The following NRG3 variants were observed in gnomAD, a reference collection of about 807,000 sequenced individuals.
The protein encoded by NRG3 is neuregulin 3.
In NRG3, 31 loss-of-function variants were observed where a neutral mutation model predicts 66.9. That is an observed-to-expected ratio of 0.46 (90% CI 0.35 to 0.63). NRG3 has a LOEUF of 0.63. Ranked by LOEUF, NRG3 falls within the 20% of genes least tolerant of loss-of-function variation. NRG3 has a pLI of 0.00. For synonymous variants in NRG3, 393 were observed against 359.4 expected (o/e 1.09, Z -1.06); for missense variants, 910 against 878.9 (o/e 1.04, Z -0.45).
At chr10:82,761,924 CTT>C (rs1236496180) in intron 3 of NRG3, among the ~76,000 whole-genome samples, 2 of 68,246 alleles carry the variant, frequency 2.9e-5, no homozygotes, top group East Asian at 3.8e-4. Context: ...CTTTCTTTCT[CTT>C]TCTTTCTTTC....
At chr10:82,221,056 G>T (rs1480212310) in intron 1 of NRG3, among the ~76,000 whole-genome samples, 2 of 152,116 alleles carry the variant, frequency 1.3e-5, no homozygotes, top group Non-Finnish European at 2.9e-5. Flanking sequence ...AGAAATGGTG[G>T]TTTAAAAATA....
At chr10:82,496,390 G>A (rs543986576) in intron 2 of NRG3, among the ~76,000 whole-genome samples, 1 of 152,028 alleles carries the variant, frequency 6.6e-6, no homozygotes, top group East Asian at 1.9e-4. Flanking sequence ...TATTTCTGGG[G>A]GAGTCAGCTT....
At chr10:82,845,672 C>T (rs1591704462) in intron 3 of NRG3, among the ~76,000 whole-genome samples, 1 of 151,988 alleles carries the variant, frequency 6.6e-6, no homozygotes, top group Admixed American at 6.6e-5. Context: ...TGTCTCAAAC[C>T]TTTGCAATAT....
At chr10:82,673,040 C>G (rs952666082) in intron 2 of NRG3, among the ~76,000 whole-genome samples, 2 of 152,216 alleles carry the variant, frequency 1.3e-5, no homozygotes, top group Non-Finnish European at 2.9e-5. Context: ...CGTGAGCCAC[C>G]GTGCCCAGCC....
chr10:82,118,830 G>A (rs1341589802), intron 1 of NRG3, among the ~76,000 whole-genome samples: 1 of 152,122 alleles, frequency 6.6e-6, no homozygotes, highest in African/African-American at 2.4e-5. Context: ...CTCCTGATGA[G>A]CCTTTTCTCC....
At position 82,287,195 on chromosome 10, in the gene NRG3, C is replaced by T. The variant is rs764994897; in HGVS notation, c.824-71544C>T. 7.9e-4 allele frequency among the ~76,000 whole-genome samples: 120 copies of T among 151,992 alleles called. 1 individual carries two copies. Among genetic ancestry groups the T allele is most frequent in the Non-Finnish European group, 8.7e-4 (59 of 68,002 alleles). On this transcript the variant is annotated intron_variant, in intron 1 of 8. Coordinates refer to ENST00000372141, the MANE Select transcript of NRG3 (RefSeq NM_001010848.4). ...GGTGTTTGGGTCATGGGGCAGGTCC[C>T]TCATGGCTTGGTTCTGTCCCGGTGA...
intron 2 of NRG3, among the ~76,000 whole-genome samples, chr10:82,375,362 C>T (rs1214471872): frequency 1.3e-5 from 2 of 151,978 alleles, no homozygotes; most frequent in East Asian, 1.9e-4. Flanking sequence ...ACGGTAAAAC[C>T]CCGTCTCTAT....
At chr10:82,588,821 A>G (rs993378064) in intron 2 of NRG3, among the ~76,000 whole-genome samples, 4 of 152,138 alleles carry the variant, frequency 2.6e-5, no homozygotes, top group Non-Finnish European at 5.9e-5. Flanking sequence ...TTCTTTATAA[A>G]TTACCCATCC....
rs1426639119 is a variant in NRG3 at position 81,875,232 on chromosome 10, G to A, written c.-109G>A. 4 of 612,838 alleles carry A rather than the reference G, an allele frequency of 6.5e-6. No homozygotes were observed. Among genetic ancestry groups the A allele is most frequent in the Non-Finnish European group, 8.1e-6 (4 of 492,814 alleles). The allele number at this position is 612,838 out of a possible 1,614,324, so 38.0% of individuals were successfully genotyped here. A position where few individuals can be genotyped will look rare whatever the true frequency, so the allele number is the denominator to read the frequency against. The stretch of plus-strand genomic sequence containing the variant: ...GCCGCCGCGGCCGCTGCCTGCGCCC[G>A]AGCCCGCCGCCGCCGCCGGAGCCCG... On this transcript the variant is annotated 5_prime_UTR_variant, in exon 1 of 9. Transcript: ENST00000372141. The surrounding 1 kb of genome is among the most constrained non-coding windows in gnomAD (Gnocchi z 5.3).
chr10:82,854,245 G>A (rs1319138501), intron 3 of NRG3, among the ~76,000 whole-genome samples: 1 of 152,184 alleles, frequency 6.6e-6, no homozygotes, highest in Non-Finnish European at 1.5e-5. Flanking sequence ...ATTATTTCAG[G>A]AAATCAGGGA....
intron 2 of NRG3, among the ~76,000 whole-genome samples, chr10:82,625,093 G>A (rs943097841): frequency 6.6e-6 from 1 of 151,714 alleles, no homozygotes; most frequent in Non-Finnish European, 1.5e-5. Flanking sequence ...CAGATACTGT[G>A]CTAGTGGCTT....
intron 1 of NRG3, among the ~76,000 whole-genome samples, chr10:82,001,385 C>T (rs2133680566): frequency 6.6e-6 from 1 of 152,066 alleles, no homozygotes; most frequent in East Asian, 1.9e-4. Flanking sequence ...CATCCATAAT[C>T]CCCGCTACTT....
chr10:82,638,554 G>A (rs776657091), intron 2 of NRG3, among the ~76,000 whole-genome samples: 26 of 152,150 alleles, frequency 1.7e-4, no homozygotes, highest in Admixed American at 1.3e-4. Flanking sequence ...TTATGGCAAG[G>A]ACTGGATGTC....
At chr10:82,813,263 G>T (rs545564229) in intron 3 of NRG3, among the ~76,000 whole-genome samples, 1 of 134,630 alleles carries the variant, frequency 7.4e-6, no homozygotes, top group Non-Finnish European at 1.5e-5. Flanking sequence ...GCCCAGGCTG[G>T]AGTATAGTGG....
rs186907555 is a variant in NRG3, at chr10:82,010,312, G to A, written c.823+134149G>A. On this transcript the variant is annotated intron_variant, in intron 1 of 8. Coordinates refer to ENST00000372141, the MANE Select transcript of NRG3 (RefSeq NM_001010848.4). ...ATGAGTACACTGTGCTGTTGTAAAA[G>A]GGGCCGTCTCTCCCTCTTTCAGTCT... Among the ~76,000 whole-genome samples, 366 of 152,242 alleles carry A rather than the reference G, an allele frequency of 2.4e-3. 3 individuals are homozygous for A. The highest frequency in any genetic ancestry group is 8.1e-3 in the African/African-American group (336 of 41,554).
At chr10:82,179,050 G>A (rs564916715) in intron 1 of NRG3, among the ~76,000 whole-genome samples, 17 of 152,042 alleles carry the variant, frequency 1.1e-4, no homozygotes, top group African/African-American at 4.1e-4. Flanking sequence ...TTGAAGAAAT[G>A]TTTATTCAGG....
rs12220944 is a variant in NRG3, at chr10:82,791,038, G to A, written c.1027+52388G>A. On this transcript the variant is annotated intron_variant, in intron 3 of 8. Coordinates refer to ENST00000372141, the MANE Select transcript of NRG3 (RefSeq NM_001010848.4). ...TAGTTTGTTCAACATATTATGATAC[G>A]TTAAAGTATGTTTAACTGACTTAAA... Among the ~76,000 whole-genome samples the A allele has an allele frequency of 3.2e-3, 489 of 151,714 alleles. 1 individual carries two copies. Among genetic ancestry groups the A allele is most frequent in the African/African-American group, 0.01 (415 of 41,428 alleles).
intron 1 of NRG3, among the ~76,000 whole-genome samples, chr10:82,357,974 G>A (rs12248513): frequency 0.38 from 58,075 of 152,102 alleles, 16,227 homozygotes; most frequent in African/African-American, 0.78. Context: ...CTCTGTAATT[G>A]GAACAATGTC....
intron 1 of NRG3, among the ~76,000 whole-genome samples, chr10:81,968,112 C>T (rs2059799125): frequency 6.6e-6 from 1 of 152,108 alleles, no homozygotes; most frequent in Non-Finnish European, 1.5e-5. Context: ...AAAGAGGGGC[C>T]CCTGCTCTGT....
Sources: allele counts gnomAD v4.1 joint callset (sites outside exome capture counted in the v4.1 genomes callset), GRCh38; gene constraint gnomAD v4.1.1; non-coding constraint Gnocchi (gnomAD v3.1); transcripts MANE v1.5; gene names NCBI Gene and HGNC (gene_info 2026-07-23, HGNC 2026-07-21).